Variants in ANO7 observed in about 807,000 individuals in gnomAD.
ANO7 encodes the protein anoctamin-7.
A neutral mutation model predicts 115.8 loss-of-function variants in ANO7; 114 were observed. That is an observed-to-expected ratio of 0.98 (90% CI 0.85 to 1.15). The LOEUF (loss-of-function observed/expected upper bound fraction) is 1.15. Ranked by LOEUF, ANO7 falls within the 50% of genes most tolerant of loss-of-function variation. The probability of loss-of-function intolerance (pLI) is 0.00; values close to 1 mark genes in which losing one functional copy is unlikely to be tolerated. For synonymous variants in ANO7, 550 were observed against 498.2 expected (o/e 1.10, Z -1.38); for missense variants, 1,302 against 1,201.2 (o/e 1.08, Z -1.24).
chr2:241,200,303 G>T (rs2068439607), intron 6 of ANO7, 78 bp downstream of exon 6: 1 of 1,543,028 alleles, frequency 6.5e-7, no homozygotes. Context: ...GGAACTTGGT[G>T]CTTCCCCAGG....
At position 241,224,165 on chromosome 2, in the gene ANO7, A is replaced by T. The variant is rs748164099; in HGVS notation, c.*12A>T. On this transcript the variant is annotated 3_prime_UTR_variant, in exon 25 of 25. Transcript: ENST00000674324. The stretch of plus-strand genomic sequence containing the variant: ...AGCTGCAGCAGTGACGCCTGGAAGG[A>T]CATCTGGTGGTCCTTAGGGGAGTGG... 1 of 1,613,984 alleles carries T rather than the reference A, an allele frequency of 6.2e-7. No individual in the cohort carries two copies. Among genetic ancestry groups the T allele is most frequent in the Non-Finnish European group, 8.5e-7 (1 of 1,179,984 alleles).
chr2:241,233,077 T>C, the ANO7 span, among the ~76,000 whole-genome samples: 1 of 151,828 alleles, frequency 6.6e-6, no homozygotes, highest in East Asian at 1.9e-4. This position sits in a 1 kb window ranked among gnomAD's most constrained non-coding sequence, Gnocchi z 4.3. Context: ...TGCCAGGGGG[T>C]TTGCTGTTTC....
intron 13 of ANO7, 75 bp from the exon 14 acceptor site, chr2:241,210,220 C>A: frequency 1.4e-6 from 2 of 1,435,534 alleles, no homozygotes; most frequent in South Asian, 1.1e-5. Context: ...GAAGAGCTGT[C>A]GGGGGCCATG....
intron 9 of ANO7, among the ~76,000 whole-genome samples, chr2:241,204,267 C>G (rs982157023): frequency 6.6e-6 from 1 of 152,198 alleles, no homozygotes; most frequent in South Asian, 2.1e-4. Context: ...GGCAGACTTG[C>G]GTTTCACAGC....
downstream of ANO7, chr2:241,229,803 G>A: frequency 6.5e-7 from 1 of 1,536,474 alleles, no homozygotes; most frequent in Non-Finnish European, 8.8e-7. Flanking sequence ...CCCTCCCTGG[G>A]ACCCAGGAGG....
chr2:241,208,962 A>T (rs977412874), intron 11 of ANO7, among the ~76,000 whole-genome samples: 2 of 152,234 alleles, frequency 1.3e-5, no homozygotes, highest in South Asian at 2.1e-4. Flanking sequence ...ATCCTGGCTA[A>T]CACGGTGAAA....
chr2:241,202,403 A>T, intron 8 of ANO7, 99 bp downstream of exon 8: 1 of 1,088,516 alleles, frequency 9.2e-7, no homozygotes, highest in Non-Finnish European at 1.4e-6. Flanking sequence ...AGGCATGGTC[A>T]GCCGGCGTGG....
intron 11 of ANO7, among the ~76,000 whole-genome samples, 189 bp from the exon 12 acceptor site, chr2:241,209,096 C>T (rs970148641): frequency 6.6e-6 from 1 of 152,204 alleles, no homozygotes; most frequent in Non-Finnish European, 1.5e-5. Flanking sequence ...GTGCAGTGAG[C>T]CGAGATCGCG....
In ANO7 at chr2:241,223,242, T is replaced by C. The variant is rs1394542080; in HGVS notation, c.2378T>C (p.Leu793Pro). 1 of 1,614,252 alleles carries C rather than the reference T, an allele frequency of 6.2e-7. No homozygotes were observed. The highest frequency in any genetic ancestry group is 8.5e-7 in the Non-Finnish European group (1 of 1,180,042). ...GHYSQTYWNL[L>P]AIRLAFVIVF... is the part of the protein sequence containing the mutation. ...TATTCCCAGACCTACTGGAATCTTC[T>C]TGCCATCCGCCTGGCCTTCGTCATT... The change falls in exon 22 of 25, where the codon CTT (leucine) becomes CCT (proline). Residue 793 changes from leucine to proline, a missense_variant. By Grantham distance (98) the Leu-to-Pro change is moderately conservative. Coordinates refer to ENST00000674324, the MANE Select transcript of ANO7 (RefSeq NM_001370694.2).
At chr2:241,194,032 C>T (rs931257252) in intron 3 of ANO7, among the ~76,000 whole-genome samples, 2 of 152,120 alleles carry the variant, frequency 1.3e-5, no homozygotes, top group South Asian at 2.1e-4. Flanking sequence ...TGTGCCACCA[C>T]GCCTGGCTAA....
chr2:241,200,721 G>A (rs1296995425), intron 6 of ANO7, among the ~76,000 whole-genome samples: 1 of 152,270 alleles, frequency 6.6e-6, no homozygotes, highest in African/African-American at 2.4e-5. Context: ...GTCCAGAAGT[G>A]GCAGGGACCA....
At chr2:241,199,031 C>A (rs149711035) in intron 4 of ANO7, 15 of 431,156 alleles carry the variant, frequency 3.5e-5, no homozygotes, top group African/African-American at 3.0e-4. Flanking sequence ...GCAAGGCTCT[C>A]CCTAGCCTTA....
intron 10 of ANO7, 129 bp from the exon 11 acceptor site, chr2:241,207,445 T>C (rs2068619023): frequency 1.5e-6 from 1 of 672,730 alleles, no homozygotes; most frequent in Non-Finnish European, 2.6e-6. Context: ...TAAGAAATGC[T>C]GGGCCTGGCA....
chr2:241,240,066 G>A, the ANO7 span: 3 of 1,614,096 alleles, frequency 1.9e-6, no homozygotes, highest in South Asian at 3.3e-5. This position sits in a 1 kb window ranked among gnomAD's most constrained non-coding sequence, Gnocchi z 5.5. Flanking sequence ...CCTTGCCGAT[G>A]AGGAATTTGT....
chr2:241,214,042 T>G (rs2068769834), intron 17 of ANO7, among the ~76,000 whole-genome samples: 1 of 152,092 alleles, frequency 6.6e-6, no homozygotes, highest in Non-Finnish European at 1.5e-5. Flanking sequence ...ATCCCAGCAC[T>G]TTGGGAGGCC....
At chr2:241,200,308 C>T (rs1306536059) in intron 6 of ANO7, 83 bp downstream of exon 6, 2 of 1,525,070 alleles carry the variant, frequency 1.3e-6, no homozygotes, top group Non-Finnish European at 8.8e-7. Context: ...TTGGTGCTTC[C>T]CCAGGACTCT....
chr2:241,239,821 C>G, the ANO7 span: 2 of 1,613,566 alleles, frequency 1.2e-6, no homozygotes, highest in Non-Finnish European at 1.7e-6. The surrounding 1 kb of genome is among the most constrained non-coding windows in gnomAD (Gnocchi z 4.6). Flanking sequence ...CCACATTATC[C>G]TGCAGTGTTA....
At position 241,202,218 on chromosome 2, in the gene ANO7, C is replaced by T; in HGVS notation, c.637C>T (p.Pro213Ser). 3 of 1,613,858 alleles carry T rather than the reference C, an allele frequency of 1.9e-6. No homozygotes were observed. The highest frequency in any genetic ancestry group is 2.5e-6 in the Non-Finnish European group (3 of 1,179,964). Reference sequence around the variant, plus strand: ...GCTGTTTGAGATCCTGGCCAAGACCCCGTATGGCCACGAGAAGAAAAACCT... The same window carrying T: ...GCTGTTTGAGATCCTGGCCAAGACCTCGTATGGCCACGAGAAGAAAAACCT... ...QILFEILAKT[P>S]YGHEKKNLLG... is the part of the protein sequence containing the mutation. The change falls in exon 8 of 25, where the codon CCG becomes TCG. Residue 213 changes from proline (P) to serine (S), a missense_variant. Transcript: ENST00000674324.
intron 21 of ANO7, among the ~76,000 whole-genome samples, chr2:241,220,700 T>A (rs1340794262): frequency 6.6e-6 from 1 of 152,222 alleles, no homozygotes; most frequent in Non-Finnish European, 1.5e-5. Context: ...CTCGGGAGGC[T>A]GAGGCGGGAG....
Sources: gnomAD v4.1 joint callset for allele counts (sites outside exome capture counted in the v4.1 genomes callset) on GRCh38, gnomAD v4.1.1 for gene constraint, Gnocchi (gnomAD v3.1) non-coding constraint, MANE v1.5 for transcripts, NCBI Gene and HGNC (gene_info 2026-07-23, HGNC 2026-07-21) for gene names.